CDC20B: variants seen among roughly 807,000 people sequenced by gnomAD.
CDC20B encodes cell division cycle protein 20 homolog B.
A neutral mutation model predicts 64.1 loss-of-function variants in CDC20B; 58 were observed. That is an observed-to-expected ratio of 0.90 (90% CI 0.73 to 1.13). CDC20B has a LOEUF of 1.13. Ranked by LOEUF, CDC20B falls within the 50% of genes most tolerant of loss-of-function variation. CDC20B has a pLI of 0.00. For synonymous variants in CDC20B, 243 were observed against 230.6 expected, an observed-to-expected ratio of 1.05 and a Z score of -0.49; for missense variants, 597 against 633.0, an observed-to-expected ratio of 0.94 and a Z score of 0.61.
At chr5:55,124,411 A>C (rs970317081) in intron 9 of CDC20B, among the ~76,000 whole-genome samples, 1 of 152,176 alleles carries the variant, frequency 6.6e-6, no homozygotes, top group Non-Finnish European at 1.5e-5. Context: ...CTTGCCCAGA[A>C]AATGAAGTCT....
At chr5:55,141,943 T>A (rs1743341057) in intron 4 of CDC20B, among the ~76,000 whole-genome samples, 2 of 152,224 alleles carry the variant, frequency 1.3e-5, no homozygotes, top group Middle Eastern at 6.8e-3. Flanking sequence ...CCTTGGTGAG[T>A]AAAATCACCC....
At chr5:55,125,712 G>T (rs1032410028) in intron 8 of CDC20B, among the ~76,000 whole-genome samples, 10 of 152,206 alleles carry the variant, frequency 6.6e-5, no homozygotes, top group Non-Finnish European at 1.0e-4. Context: ...TCTCTAAGGA[G>T]TAAGTAAATG....
intron 6 of CDC20B, among the ~76,000 whole-genome samples, chr5:55,131,932 C>T (rs1023608955): frequency 6.6e-6 from 1 of 151,884 alleles, no homozygotes; most frequent in Non-Finnish European, 1.5e-5. Context: ...AGGCATGGTG[C>T]ACATGCCTGT....
At chr5:55,170,486 C>T (rs1181377651) in intron 2 of CDC20B, 1 of 528,986 alleles carries the variant, frequency 1.9e-6, no homozygotes, top group Admixed American at 2.0e-5. Context: ...AGAAAGTACA[C>T]ATAAACACAC....
intron 6 of CDC20B, among the ~76,000 whole-genome samples, chr5:55,132,342 G>A (rs1357535732): frequency 6.6e-6 from 1 of 152,120 alleles, no homozygotes; most frequent in Non-Finnish European, 1.5e-5. Context: ...AGCTTACACT[G>A]GCTCCTGGAT....
chr5:55,131,022 T>C (rs1181864204), intron 6 of CDC20B, among the ~76,000 whole-genome samples: 1 of 151,966 alleles, frequency 6.6e-6, no homozygotes, highest in Admixed American at 6.6e-5. Flanking sequence ...CTTGGGAGGC[T>C]AAGGCAGGAG....
intron 4 of CDC20B, among the ~76,000 whole-genome samples, chr5:55,143,202 G>C (rs1414860702): frequency 6.6e-6 from 1 of 152,134 alleles, no homozygotes; most frequent in Non-Finnish European, 1.5e-5. Context: ...TAGGCTAAGA[G>C]GAAGCATACC....
intron 2 of CDC20B, among the ~76,000 whole-genome samples, chr5:55,154,380 T>C (rs1415266962): frequency 6.6e-6 from 1 of 152,064 alleles, no homozygotes; most frequent in Non-Finnish European, 1.5e-5. Flanking sequence ...TAGCTGGGCA[T>C]GGTGGCACGC....
In CDC20B at chr5:55,173,018, C is replaced by T; in HGVS notation, c.-18G>A. Reference sequence around the variant, plus strand: ...CACTCCATCTCCGGCTGACTTCGCCCTGCCTGGCGTTTGGCCTCTCTGCTC... The same window carrying T: ...CACTCCATCTCCGGCTGACTTCGCCTTGCCTGGCGTTTGGCCTCTCTGCTC... On this transcript the variant is annotated 5_prime_UTR_variant, in exon 1 of 12. Coordinates refer to ENST00000381375, the MANE Select transcript of CDC20B (RefSeq NM_001170402.1). 1.2e-6 allele frequency: 2 copies of T among 1,606,132 alleles called. No individual in the cohort carries two copies. Among genetic ancestry groups the T allele is most frequent in the South Asian group, 1.1e-5 (1 of 89,128 alleles).
chr5:55,168,416 G>T (rs1212703557), intron 2 of CDC20B, among the ~76,000 whole-genome samples: 1 of 151,768 alleles, frequency 6.6e-6, no homozygotes, highest in Non-Finnish European at 1.5e-5. Context: ...TTTTCCCTCT[G>T]CTTGACCCTT....
At chr5:55,141,562 A>G (rs336077) in intron 4 of CDC20B, among the ~76,000 whole-genome samples, 21,536 of 152,228 alleles carry the variant, frequency 0.14, 1,769 homozygotes, top group South Asian at 0.26. Context: ...TCACTGAGTC[A>G]CGAAGAATGT....
chr5:55,163,477 T>C (rs1744200848), intron 2 of CDC20B, among the ~76,000 whole-genome samples: 1 of 152,008 alleles, frequency 6.6e-6, no homozygotes, highest in Non-Finnish European at 1.5e-5. Flanking sequence ...TCCCAGCAAT[T>C]TGGGATTACA....
rs779508666 is a variant in CDC20B at position 55,170,843 on chromosome 5, T to C, written c.126+1745A>G. On this transcript the variant is annotated intron_variant, in intron 2 of 11. Transcript: ENST00000381375. Reference sequence around the variant, plus strand: ...TAATAGTCACATTAAAGAAAACTTATACACAAAATGTATTACTTCAAGACT... The same window carrying C: ...TAATAGTCACATTAAAGAAAACTTACACACAAAATGTATTACTTCAAGACT... 164 of 379,690 alleles carry C rather than the reference T, an allele frequency of 4.3e-4. No individual in the cohort carries two copies. In the Middle Eastern group the frequency reaches 6.4e-3, roughly 15 times the overall value. 23.5% of individuals were successfully genotyped at this position (379,690 alleles called of 1,614,324 possible).
intron 2 of CDC20B, chr5:55,165,832 G>C (rs1744353943): frequency 6.6e-6 from 1 of 152,138 alleles, no homozygotes; most frequent in African/African-American, 2.4e-5. Context: ...AATTGAACAG[G>C]GGTTGAATGG....
intron 8 of CDC20B, 150 bp downstream of exon 8, chr5:55,127,107 A>C: frequency 1.5e-6 from 1 of 646,092 alleles, no homozygotes; most frequent in Non-Finnish European, 2.7e-6. Flanking sequence ...TGAATACCTG[A>C]GAGGGTGGGA....
intron 2 of CDC20B, chr5:55,163,939 T>G: frequency 1.4e-6 from 1 of 730,878 alleles, no homozygotes; most frequent in Non-Finnish European, 2.0e-6. Context: ...GTTTTTTATA[T>G]TATGACAGTC....
In CDC20B at chr5:55,134,282, A is replaced by C. The variant is rs373219634; in HGVS notation, c.581-754T>G. Among the ~76,000 whole-genome samples, 7 of 152,310 alleles carry C rather than the reference A, an allele frequency of 4.6e-5. No homozygotes were observed. The South Asian group carries it at 8.3e-4, about 18-fold the overall frequency. ...GGTGTCTATGACCAGATGGCTTCTG[A>C]TAAAAGCATGAGAGCTTCACAATGC... On this transcript the variant is annotated intron_variant, in intron 5 of 11. Transcript: ENST00000381375.
intron 9 of CDC20B, among the ~76,000 whole-genome samples, chr5:55,121,790 A>C (rs946754057): frequency 2.0e-5 from 3 of 152,172 alleles, no homozygotes; most frequent in Non-Finnish European, 2.9e-5. Context: ...TTATAAGGGT[A>C]ATTTATTTTC....
intron 3 of CDC20B, 93 bp downstream of exon 3, chr5:55,146,535 G>A: frequency 1.2e-6 from 1 of 820,606 alleles, no homozygotes; most frequent in Admixed American, 2.6e-5. Context: ...GACTCAAAGT[G>A]ACACTCCTTA....
Sources: gnomAD v4.1 joint callset for allele counts (sites outside exome capture counted in the v4.1 genomes callset) on GRCh38, gnomAD v4.1.1 for gene constraint, MANE v1.5 for transcripts, NCBI Gene and HGNC (gene_info 2026-07-23, HGNC 2026-07-21) for gene names.